LRCH1: variants seen among roughly 807,000 people sequenced by gnomAD.
LRCH1 encodes leucine rich repeats and calponin homology domain containing 1.
A neutral mutation model predicts 94.9 loss-of-function variants in LRCH1; 23 were observed. The ratio of observed to expected loss-of-function variants is 0.24; its 90% CI spans 0.17 to 0.34. The LOEUF (loss-of-function observed/expected upper bound fraction) is 0.34. Among genes scored for constraint, LRCH1 ranks in the 10% least tolerant of loss-of-function variants. The pLI is 1.00. For synonymous variants in LRCH1, 364 were observed against 354.9 expected (o/e 1.03, Z -0.29); for missense variants, 790 against 945.9 (o/e 0.84, Z 2.16).
chr13:46,715,887 G>T (rs1467318806), intron 16 of LRCH1, among the ~76,000 whole-genome samples: 2 of 151,918 alleles, frequency 1.3e-5, no homozygotes, highest in African/African-American at 4.8e-5. Flanking sequence ...CTGGATTTGG[G>T]GAAGGCATTA....
intron 1 of LRCH1, among the ~76,000 whole-genome samples, chr13:46,607,922 A>G (rs2050706125): frequency 6.6e-6 from 1 of 152,154 alleles, no homozygotes; most frequent in South Asian, 2.1e-4. Flanking sequence ...AATATAGTTA[A>G]TAATTACTGA....
Position 46,652,055 on chromosome 13 carries a change from G to GT in LRCH1, c.452+1730dup, listed in dbSNP as rs71077910. Among the ~76,000 whole-genome samples the GT allele has an allele frequency of 4.6e-4, 26 of 56,034 alleles. 7 individuals carry two copies. Among genetic ancestry groups the GT allele is most frequent in the African/African-American group, 1.9e-3 (25 of 13,300 alleles). 36.8% of individuals were successfully genotyped at this position (56,034 alleles called of 152,430 possible). ...GGCGCCGGCCACCAGGCCTGCTGAT[G>GT]TTTTTTTTTTTTTTTTTTTTGTTTT... On this transcript the variant is annotated intron_variant, in intron 2 of 19. Transcript: ENST00000389797.
downstream of LRCH1, among the ~76,000 whole-genome samples, chr13:46,749,255 C>T (rs113190221): frequency 1.1e-4 from 17 of 152,074 alleles, no homozygotes; most frequent in Non-Finnish European, 1.9e-4. Flanking sequence ...TGAACCTAGA[C>T]GATATTATGC....
intron 7 of LRCH1, among the ~76,000 whole-genome samples, chr13:46,691,613 A>G (rs759956785): frequency 5.3e-5 from 8 of 152,260 alleles, no homozygotes; most frequent in Non-Finnish European, 1.2e-4. Flanking sequence ...AGGTGAAGGG[A>G]GTGCCTCCTG....
At position 46,615,568 on chromosome 13, in the gene LRCH1, A is replaced by G. The variant is rs138318838; in HGVS notation, c.308-34633A>G. 2.8e-3 allele frequency among the ~76,000 whole-genome samples: 425 copies of G among 152,208 alleles called. 4 individuals are homozygous for G. The highest frequency in any genetic ancestry group is 9.7e-3 in the African/African-American group (403 of 41,532). On this transcript the variant is annotated intron_variant, in intron 1 of 19. Transcript: ENST00000389797. ...AGTGGCATAAGATGCAACTCTAGGA[A>G]TTTTTGCTTTTTTAAAACCCAGCTT...
chr13:46,671,625 G>A (rs1373496715), intron 3 of LRCH1, among the ~76,000 whole-genome samples: 3 of 152,224 alleles, frequency 2.0e-5, no homozygotes, highest in African/African-American at 7.2e-5. Context: ...AGCTTTGGAT[G>A]AAAGTGACGG....
rs867049485 is a variant in LRCH1 at position 46,556,948 on chromosome 13, G to C, written c.307+3245G>C. ...TCTTGTGGAGTTCATTCTAGTTGGA[G>C]AATAGAGAGATACATGAATAAATTG... On this transcript the variant is annotated intron_variant, in intron 1 of 19. Coordinates refer to ENST00000389797, the MANE Select transcript of LRCH1 (RefSeq NM_001164211.2). 2.6e-4 allele frequency among the ~76,000 whole-genome samples: 39 copies of C among 152,312 alleles called. No homozygotes were observed. The Middle Eastern group carries it at 0.01, about 40-fold the overall frequency.
intron 3 of LRCH1, among the ~76,000 whole-genome samples, chr13:46,672,577 C>A (rs1424763387): frequency 1.3e-5 from 2 of 152,166 alleles, no homozygotes; most frequent in Non-Finnish European, 2.9e-5. Flanking sequence ...TCCTCAAATA[C>A]CCTTTGTCAG....
In LRCH1 at chr13:46,725,473, T is replaced by C. The variant is rs76049063; in HGVS notation, c.1869+2143T>C. On this transcript the variant is annotated intron_variant, in intron 17 of 19. Transcript: ENST00000389797. ...CAGGCTGTATTCTAGGTAATGGATG[T>C]AGGAGAGAACAAAAAGGTCTCTGCT... 2.3e-3 allele frequency among the ~76,000 whole-genome samples: 355 copies of C among 152,318 alleles called. 1 individual carries two copies. The highest frequency in any genetic ancestry group is 8.3e-3 in the African/African-American group (346 of 41,580).
intron 1 of LRCH1, among the ~76,000 whole-genome samples, chr13:46,593,386 A>G (rs1157349905): frequency 6.6e-6 from 1 of 150,962 alleles, no homozygotes; most frequent in Non-Finnish European, 1.5e-5. Context: ...CATTCTTCAA[A>G]CATTTCTAGG....
At chr13:46,746,215 C>T (rs899886285), downstream of LRCH1, among the ~76,000 whole-genome samples, 3 of 152,160 alleles carry the variant, frequency 2.0e-5, no homozygotes, top group Non-Finnish European at 4.4e-5. Flanking sequence ...GTTTTCTCAT[C>T]TGTGAAATGG....
intron 2 of LRCH1, among the ~76,000 whole-genome samples, chr13:46,656,586 T>G (rs2138091111): frequency 6.6e-6 from 1 of 152,154 alleles, no homozygotes; most frequent in East Asian, 1.9e-4. Context: ...TGAACTGGAG[T>G]TTGAAAGTGA....
At chr13:46,715,748 A>G (rs1872288887) in intron 16 of LRCH1, 84 bp downstream of exon 16, 4 of 846,830 alleles carry the variant, frequency 4.7e-6, no homozygotes, top group South Asian at 4.4e-5. Context: ...GCAGCTGAAG[A>G]TAGAGTATAT....
At chr13:46,593,898 T>A (rs2050529335) in intron 1 of LRCH1, among the ~76,000 whole-genome samples, 1 of 152,238 alleles carries the variant, frequency 6.6e-6, no homozygotes, top group South Asian at 2.1e-4. Context: ...TGAACTTTTT[T>A]TCTTCTTTCC....
intron 11 of LRCH1, among the ~76,000 whole-genome samples, chr13:46,701,645 A>G (rs771263018): frequency 6.6e-6 from 1 of 152,248 alleles, no homozygotes; most frequent in Non-Finnish European, 1.5e-5. Flanking sequence ...TTAACTGAAG[A>G]ATATATTTCT....
rs147947969 is a variant in LRCH1 at position 46,622,363 on chromosome 13, A to G, written c.308-27838A>G. Among the ~76,000 whole-genome samples the G allele has an allele frequency of 1.6e-4, 25 of 152,218 alleles. No homozygotes were observed. In the East Asian group the frequency reaches 4.6e-3, roughly 28 times the overall value. The stretch of plus-strand genomic sequence containing the variant: ...TTGTTCAGTCTCCACTATTAAATAG[A>G]TTTTCATTCACTTCAGCTTGGGTGG... On this transcript the variant is annotated intron_variant, in intron 1 of 19. Transcript: ENST00000389797.
chr13:46,578,236 A>G (rs1157285435), intron 1 of LRCH1, among the ~76,000 whole-genome samples: 1 of 152,220 alleles, frequency 6.6e-6, no homozygotes, highest in Non-Finnish European at 1.5e-5. Context: ...AGCAGAAAGG[A>G]TGCGTGCTTT....
At chr13:46,591,133 A>C (rs1050482896) in intron 1 of LRCH1, among the ~76,000 whole-genome samples, 4 of 152,168 alleles carry the variant, frequency 2.6e-5, no homozygotes, top group African/African-American at 9.7e-5. Context: ...AAGCAAGTAT[A>C]CTTTTTTGTG....
At position 46,685,921 on chromosome 13, in the gene LRCH1, C is replaced by G. The variant is rs1870588244; in HGVS notation, c.702C>G (p.Ser234=). ...TTATTTTAGAACTAGTAGATCTTTC[C>G]TTGGTAAAGTTTGACTTTTCCTGCA... ...KVLPQELVDL[S]LVKFDFSCNK... is the part of the protein sequence containing the mutation. Residue 234 remains serine (S), a synonymous_variant, in exon 5 of 20, where the codon TCC becomes TCG. Transcript: ENST00000389797. 4 of 1,594,692 alleles carry G rather than the reference C, an allele frequency of 2.5e-6. No homozygotes were observed. Among genetic ancestry groups the G allele is most frequent in the Middle Eastern group, 1.7e-4 (1 of 6,018 alleles).
Sources: allele counts gnomAD v4.1 joint callset (sites outside exome capture counted in the v4.1 genomes callset), GRCh38; gene constraint gnomAD v4.1.1; transcripts MANE v1.5; gene names NCBI Gene and HGNC (gene_info 2026-07-23, HGNC 2026-07-21).